IL6ST: variants seen among roughly 807,000 people sequenced by gnomAD.
The protein encoded by IL6ST is interleukin 6 cytokine family signal transducer, also known as interleukin-6 receptor subunit beta.
Under a neutral mutation model 91.3 loss-of-function variants are expected in IL6ST, and 24 were observed. The observed-to-expected ratio is 0.26, with a 90% CI of 0.19 to 0.37. The LOEUF (loss-of-function observed/expected upper bound fraction) is 0.37, where lower values mean the gene tolerates loss of function less well. IL6ST is among the 10% of genes least tolerant of loss of function. The probability of loss-of-function intolerance (pLI) is 1.00; values close to 1 mark genes in which losing one functional copy is unlikely to be tolerated. For missense variants in IL6ST, 914 were observed against 1,078.5 expected, an observed-to-expected ratio of 0.85 and a Z score of 2.14; for synonymous variants, 351 against 373.6, an observed-to-expected ratio of 0.94 and a Z score of 0.70.
chr5:55,972,309 A>G (rs1042995154), intron 3 of IL6ST, among the ~76,000 whole-genome samples: 2 of 151,416 alleles, frequency 1.3e-5, no homozygotes, highest in Admixed American at 1.3e-4. Flanking sequence ...TCAGGAGATC[A>G]AGGCCATCGT....
intron 14 of IL6ST, chr5:55,950,183 T>C: frequency 6.1e-6 from 3 of 494,636 alleles, no homozygotes; most frequent in South Asian, 4.5e-5. Context: ...AAAATGTATT[T>C]GGGAAGGAAA....
rs566633503 is a variant in IL6ST at position 55,974,403 on chromosome 5, G to A, written c.64+1812C>T. ...TGCAGTGGCACAATCTCCACACACC[G>A]CAACCTTTGCCTCCCGGGTTCAAGT... On this transcript the variant is annotated intron_variant, in intron 3 of 16. Transcript: ENST00000381298. Among the ~76,000 whole-genome samples, 93 of 152,080 alleles carry A rather than the reference G, an allele frequency of 6.1e-4. 1 individual carries two copies. Among genetic ancestry groups the A allele is most frequent in the African/African-American group, 2.1e-3 (86 of 41,498 alleles).
intron 11 of IL6ST, among the ~76,000 whole-genome samples, chr5:55,952,757 A>C (rs1751718529): frequency 6.6e-6 from 1 of 152,138 alleles, no homozygotes; most frequent in South Asian, 2.1e-4. Context: ...GTTGGAAAAA[A>C]GGGTATCTTA....
intron 10 of IL6ST, among the ~76,000 whole-genome samples, chr5:55,955,505 C>CA (rs1268503163): frequency 1.3e-5 from 2 of 152,164 alleles, no homozygotes; most frequent in African/African-American, 4.8e-5. Context: ...TTTGTAATTG[C>CA]AATTTTTCTT....
intron 1 of IL6ST, among the ~76,000 whole-genome samples, chr5:55,989,119 T>A (rs549284353): frequency 2.4e-4 from 31 of 129,128 alleles, no homozygotes; most frequent in African/African-American, 9.0e-4. Flanking sequence ...TGGGTAACAG[T>A]GCGAGGCTCT....
Position 55,951,945 on chromosome 5 carries a change from G to T in IL6ST, c.1683C>A (p.Ile561=). 1.4e-6 allele frequency: 2 copies of T among 1,468,368 alleles called. No homozygotes were observed. Among genetic ancestry groups the T allele is most frequent in the Non-Finnish European group, 9.5e-7 (1 of 1,055,554 alleles). 91.0% of individuals were successfully genotyped at this position (1,468,368 alleles called of 1,614,324 possible). A position where few individuals can be genotyped will look rare whatever the true frequency, so the allele number is the denominator to read the frequency against. The part of the protein sequence containing the change: ...IRNYTIFYRT[I]IGNETAVNVD... ...TTTTATTACCAGTTTCATTTCCAAT[G>T]ATGGTTCTATAAAATATAGTATAAT... Residue 561 remains isoleucine, a synonymous_variant, in exon 13 of 17, where the codon ATC becomes ATA. Coordinates refer to ENST00000381298, the MANE Select transcript of IL6ST (RefSeq NM_002184.4).
intron 2 of IL6ST, among the ~76,000 whole-genome samples, chr5:55,977,907 G>A (rs971060565): frequency 3.9e-5 from 6 of 151,978 alleles, no homozygotes; most frequent in Non-Finnish European, 5.9e-5. Flanking sequence ...CTTGAGGCAG[G>A]AGAGCTGTTT....
chr5:55,979,065 C>T (rs1214013434), intron 2 of IL6ST, among the ~76,000 whole-genome samples: 1 of 152,038 alleles, frequency 6.6e-6, no homozygotes, highest in African/African-American at 2.4e-5. Context: ...ATACATGCAT[C>T]ATGGATGAAT....
chr5:55,981,566 C>G (rs185389367), intron 2 of IL6ST, among the ~76,000 whole-genome samples: 2 of 152,044 alleles, frequency 1.3e-5, no homozygotes, highest in Non-Finnish European at 2.9e-5. Context: ...TCACTTGAAC[C>G]TGGGAGGCGG....
In IL6ST at chr5:55,941,026, C is replaced by T. The variant is rs1338453791; in HGVS notation, c.*56G>A. The T allele has an allele frequency of 2.0e-6, 3 of 1,483,904 alleles. No homozygotes were observed. In the African/African-American group the frequency reaches 4.2e-5, roughly 21 times the overall value. The allele number at this position is 1,483,904 out of a possible 1,614,324, so 91.9% of individuals were successfully genotyped here. On this transcript the variant is annotated 3_prime_UTR_variant, in exon 17 of 17. Coordinates refer to ENST00000381298, the MANE Select transcript of IL6ST (RefSeq NM_002184.4). ...TAAAATCTGAATTCACAGATAAAAT[C>T]ATTTTAGCTTTACTTTATAGGTACT...
intron 1 of IL6ST, among the ~76,000 whole-genome samples, chr5:55,990,911 C>T (rs1754286209): frequency 6.9e-6 from 1 of 145,970 alleles, no homozygotes; most frequent in Non-Finnish European, 1.5e-5. Flanking sequence ...CATGACAGGC[C>T]CTGGTGTGTG....
chr5:55,944,628 G>A, intron 15 of IL6ST: 1 of 731,768 alleles, frequency 1.4e-6, no homozygotes, highest in Non-Finnish European at 2.3e-6. Context: ...CTCGGCCTTA[G>A]CGCCATTTTT....
In IL6ST at chr5:55,937,639, CT is replaced by C. The variant is rs1357542636; in HGVS notation, c.*3442del. 3 of 197,196 alleles carry C rather than the reference CT, an allele frequency of 1.5e-5. No individual in the cohort carries two copies. Among genetic ancestry groups the C allele is most frequent in the Non-Finnish European group, 3.1e-5 (3 of 95,250 alleles). 12.2% of individuals were successfully genotyped at this position (197,196 alleles called of 1,614,324 possible). ...ACTTGCCATTTTATGACTCCATATT[CT>C]TTTAATTTACAGAAAAGTACAAATT... is the stretch of plus-strand genomic sequence containing the variant. On this transcript the variant is annotated 3_prime_UTR_variant, in exon 17 of 17. Coordinates refer to ENST00000381298, the MANE Select transcript of IL6ST (RefSeq NM_002184.4).
chr5:55,966,001 A>T (rs1176741833), intron 5 of IL6ST, among the ~76,000 whole-genome samples: 1 of 152,170 alleles, frequency 6.6e-6, no homozygotes, highest in African/African-American at 2.4e-5. Flanking sequence ...TAAAACTGGT[A>T]ATTAAGGAAA....
intron 1 of IL6ST, among the ~76,000 whole-genome samples, chr5:55,983,495 T>C (rs1753782949): frequency 6.6e-6 from 1 of 152,182 alleles, no homozygotes; most frequent in African/African-American, 2.4e-5. Context: ...AAAAATCCAT[T>C]TTAAGATTTG....
At chr5:55,950,084 G>C (rs1751529314) in intron 14 of IL6ST, 1 of 397,782 alleles carries the variant, frequency 2.5e-6, no homozygotes, top group Non-Finnish European at 5.1e-6. Context: ...AACAGGACTT[G>C]ACACTCAGCT....
chr5:55,949,913 G>C (rs1237387633), intron 14 of IL6ST, among the ~76,000 whole-genome samples: 1 of 152,116 alleles, frequency 6.6e-6, no homozygotes, highest in Non-Finnish European at 1.5e-5. Flanking sequence ...CAAAATGTAG[G>C]GGGAGCAAGA....
At position 55,936,287 on chromosome 5, in the gene IL6ST, C is replaced by G. The variant is rs371668615; in HGVS notation, c.*4795G>C. 2.4e-4 allele frequency: 53 copies of G among 222,644 alleles called. No individual in the cohort carries two copies. The South Asian group carries it at 6.3e-3, about 27-fold the overall frequency. The allele number at this position is 222,644 out of a possible 1,614,324, so 13.8% of individuals were successfully genotyped here. ...CAGCAGAGTGCAGGGTGGGCACAGA[C>G]AGGCCACAAGATGGCGCAGCACCTC... On this transcript the variant is annotated 3_prime_UTR_variant, in exon 17 of 17. Transcript: ENST00000381298.
At position 55,956,081 on chromosome 5, in the gene IL6ST, T is replaced by G. The variant is rs1035402819; in HGVS notation, c.1211A>C (p.Asn404Thr). ...AGCTGCATCTGATTTGCCAACAAGA[T>G]TTCTTACTGTTAGGGTTGCTAGATA... ...DRYLATLTVR[N>T]LVGKSDAAVL... Residue 404 changes from asparagine to threonine, a missense_variant, in exon 10 of 17, where the codon AAT (asparagine) becomes ACT (threonine). Transcript: ENST00000381298. The G allele has an allele frequency of 1.9e-6, 3 of 1,613,708 alleles. No homozygotes were observed. In the African/African-American group the frequency reaches 4.0e-5, roughly 22 times the overall value.
Sources: allele counts gnomAD v4.1 joint callset (sites outside exome capture counted in the v4.1 genomes callset), GRCh38; gene constraint gnomAD v4.1.1; transcripts MANE v1.5; gene names NCBI Gene and HGNC (gene_info 2026-07-23, HGNC 2026-07-21).